Variants in GRIK2 observed in about 807,000 individuals in gnomAD.
GRIK2 encodes glutamate receptor ionotropic, kainate 2.
In GRIK2, 32 loss-of-function variants were observed where a neutral mutation model predicts 100.3. The observed-to-expected ratio is 0.32, with a 90% CI of 0.24 to 0.43. The LOEUF is 0.43. Ranked by LOEUF, GRIK2 falls within the 20% of genes least tolerant of loss-of-function variation. The pLI is 1.00. For synonymous variants in GRIK2, 417 were observed against 389.4 expected (o/e 1.07, Z -0.83); for missense variants, 843 against 1,114.9 (o/e 0.76, Z 3.47).
intron 14 of GRIK2, among the ~76,000 whole-genome samples, chr6:101,998,183 A>T (rs902741741): frequency 1.3e-5 from 2 of 152,036 alleles, no homozygotes; most frequent in African/African-American, 4.8e-5. Context: ...CATTTTCTAA[A>T]ATTTTATATA....
At chr6:101,983,579 T>A (rs1793842660) in intron 14 of GRIK2, among the ~76,000 whole-genome samples, 1 of 151,816 alleles carries the variant, frequency 6.6e-6, no homozygotes, top group Admixed American at 6.6e-5. Flanking sequence ...CATTGGCATA[T>A]ATTATTATCT....
At chr6:101,597,327 C>G (rs973477922) in intron 2 of GRIK2, among the ~76,000 whole-genome samples, 2 of 151,674 alleles carry the variant, frequency 1.3e-5, no homozygotes, top group African/African-American at 4.8e-5. Flanking sequence ...CAACATCATG[C>G]AATATACCCT....
At chr6:102,037,716 AC>A (rs1770347000) in intron 15 of GRIK2, among the ~76,000 whole-genome samples, 2 of 151,412 alleles carry the variant, frequency 1.3e-5, no homozygotes, top group South Asian at 4.1e-4. Flanking sequence ...GTTAAATTAT[AC>A]CTTTATCGCC....
At chr6:101,986,861 C>T (rs930995168) in intron 14 of GRIK2, among the ~76,000 whole-genome samples, 4 of 151,728 alleles carry the variant, frequency 2.6e-5, no homozygotes, top group South Asian at 2.1e-4. Context: ...TAAAACTGGC[C>T]GGGGACAGTG....
At chr6:101,496,581 T>A (rs560609605) in intron 2 of GRIK2, among the ~76,000 whole-genome samples, 1 of 152,210 alleles carries the variant, frequency 6.6e-6, no homozygotes, top group Non-Finnish European at 1.5e-5. Flanking sequence ...GAAAAATGCT[T>A]CATTTTCAGT....
At chr6:101,828,541 GAA>G (rs895043821) in intron 10 of GRIK2, among the ~76,000 whole-genome samples, 1 of 151,724 alleles carries the variant, frequency 6.6e-6, no homozygotes, top group Non-Finnish European at 1.5e-5. Flanking sequence ...AACAAAGAAT[GAA>G]AAGAGAGAAG....
At chr6:101,867,391 T>C (rs1173878118) in intron 11 of GRIK2, among the ~76,000 whole-genome samples, 2 of 151,666 alleles carry the variant, frequency 1.3e-5, no homozygotes, top group Non-Finnish European at 2.9e-5. Context: ...ATTTTTAAAC[T>C]TTTTTTCTCA....
chr6:101,583,667 A>G (rs1778211904), intron 2 of GRIK2, among the ~76,000 whole-genome samples: 1 of 152,120 alleles, frequency 6.6e-6, no homozygotes, highest in Non-Finnish European at 1.5e-5. Flanking sequence ...TTCCACATAG[A>G]AAAGTATTAT....
intron 14 of GRIK2, among the ~76,000 whole-genome samples, chr6:102,034,846 C>A (rs1171367045): frequency 6.6e-6 from 1 of 151,240 alleles, no homozygotes; most frequent in Non-Finnish European, 1.5e-5. Context: ...TTTTGTGTAT[C>A]CCTGGGGGTT....
intron 14 of GRIK2, chr6:101,993,831 T>A (rs895548210): frequency 2.0e-4 from 29 of 148,020 alleles, no homozygotes; most frequent in Non-Finnish European, 3.7e-4. Context: ...TAAATATATA[T>A]GTTCTACTAG....
At chr6:101,428,372 G>C (rs922819492) in intron 2 of GRIK2, among the ~76,000 whole-genome samples, 17 of 152,082 alleles carry the variant, frequency 1.1e-4, no homozygotes, top group African/African-American at 4.1e-4. Context: ...TATTTTTACA[G>C]AATTAAATGA....
chr6:101,857,899 A>G (rs1784512949), intron 10 of GRIK2, among the ~76,000 whole-genome samples: 2 of 152,256 alleles, frequency 1.3e-5, no homozygotes, highest in South Asian at 4.1e-4. Flanking sequence ...CACTTACTGG[A>G]TGTGACTTCT....
chr6:101,975,605 C>G (rs1365277935), intron 14 of GRIK2, among the ~76,000 whole-genome samples: 3 of 151,788 alleles, frequency 2.0e-5, no homozygotes, highest in Non-Finnish European at 4.4e-5. Flanking sequence ...TGAGGAAAAA[C>G]TGGACTTGAG....
intron 2 of GRIK2, among the ~76,000 whole-genome samples, chr6:101,511,731 T>G (rs1774327694): frequency 6.6e-6 from 1 of 151,970 alleles, no homozygotes; most frequent in Non-Finnish European, 1.5e-5. Context: ...TAAATTATAG[T>G]TATATGATAA....
intron 7 of GRIK2, among the ~76,000 whole-genome samples, chr6:101,778,237 T>C (rs551525090): frequency 6.6e-6 from 1 of 152,208 alleles, no homozygotes; most frequent in South Asian, 2.1e-4. Context: ...AGATACAAAT[T>C]AGTGATGTTT....
intron 7 of GRIK2, among the ~76,000 whole-genome samples, chr6:101,740,556 G>T (rs1411026963): frequency 2.6e-5 from 4 of 152,012 alleles, no homozygotes; most frequent in Non-Finnish European, 5.9e-5. Flanking sequence ...TTCTTTGTTA[G>T]GTTTGACCCC....
At chr6:101,445,996 T>A (rs977829261) in intron 2 of GRIK2, among the ~76,000 whole-genome samples, 6 of 152,062 alleles carry the variant, frequency 3.9e-5, no homozygotes, top group African/African-American at 1.2e-4. Context: ...CACCTCTGTG[T>A]CTTATTCATT....
chr6:102,008,349 A>G (rs1795350678), intron 14 of GRIK2, among the ~76,000 whole-genome samples: 1 of 152,142 alleles, frequency 6.6e-6, no homozygotes. Flanking sequence ...AGTTTTGAGA[A>G]TTTACAAGAT....
intron 4 of GRIK2, among the ~76,000 whole-genome samples, chr6:101,667,218 C>T (rs912868896): frequency 3.3e-5 from 5 of 152,096 alleles, no homozygotes; most frequent in Non-Finnish European, 7.3e-5. Context: ...TAGTTAGTGA[C>T]TCTCCCACTT....
Sources: allele counts gnomAD v4.1 joint callset (sites outside exome capture counted in the v4.1 genomes callset), GRCh38; gene constraint gnomAD v4.1.1; transcripts MANE v1.5; gene names NCBI Gene and HGNC (gene_info 2026-07-23, HGNC 2026-07-21).